The following LNPEP variants were observed in gnomAD, a reference collection of about 807,000 sequenced individuals.
The protein encoded by LNPEP is leucyl and cystinyl aminopeptidase, also known as leucyl-cystinyl aminopeptidase.
A neutral mutation model predicts 120.6 loss-of-function variants in LNPEP; 64 were observed. The observed-to-expected ratio is 0.53, with a 90% CI of 0.43 to 0.65. LNPEP has a LOEUF of 0.65. Ranked by LOEUF, LNPEP falls within the 30% of genes least tolerant of loss-of-function variation. The pLI is 0.00. For synonymous variants in LNPEP, 435 were observed against 425.4 expected (o/e 1.02, Z -0.28); for missense variants, 1,057 against 1,200.0 (o/e 0.88, Z 1.76).
chr5:97,032,980 T>A lies in LNPEP; in HGVS notation c.*4447T>A, dbSNP rs1791500463. On this transcript the variant is annotated 3_prime_UTR_variant, in exon 18 of 18. Transcript: ENST00000231368. ...CTTGTATGGATGCATATATACTTAA[T>A]GAAAATTGAGGTTCAGAGTATGACA... 1 of 152,246 alleles carries A rather than the reference T, an allele frequency of 6.6e-6. No homozygotes were observed. Among genetic ancestry groups the A allele is most frequent in the African/African-American group, 2.4e-5 (1 of 41,464 alleles). The allele number at this position is 152,246 out of a possible 1,614,324, so 9.4% of individuals were successfully genotyped here.
chr5:97,003,351 C>G, intron 8 of LNPEP, 64 bp from the exon 9 acceptor site: 1 of 959,710 alleles, frequency 1.0e-6, no homozygotes, highest in South Asian at 2.0e-5. Flanking sequence ...TTTTAGATTC[C>G]CAATTCGATA....
At chr5:97,009,344 T>A (rs930426479) in intron 11 of LNPEP, among the ~76,000 whole-genome samples, 1 of 123,912 alleles carries the variant, frequency 8.1e-6, no homozygotes, top group Non-Finnish European at 1.7e-5. Context: ...TTCACTCATA[T>A]CTATCCTCAT....
Position 96,979,522 on chromosome 5 carries a change from C to A in LNPEP, c.404C>A (p.Thr135Asn), listed in dbSNP as rs1487559877. 1.2e-6 allele frequency: 2 copies of A among 1,613,996 alleles called. No individual in the cohort carries two copies. The highest frequency in any genetic ancestry group is 1.1e-5 in the South Asian group (1 of 91,076). Reference sequence around the variant, plus strand: ...GTGATTTACTTACTGCCCAGATGTACCTTTACCAAAGAAGGCTGCCATAAA... The same window carrying A: ...GTGATTTACTTACTGCCCAGATGTAACTTTACCAAAGAAGGCTGCCATAAA... Reference protein sequence around the residue: ...IMVIYLLPRCTFTKEGCHKKN... With the variant: ...IMVIYLLPRCNFTKEGCHKKN... The change falls in exon 2 of 18, where the codon ACC becomes AAC. Residue 135 changes from threonine to asparagine, a missense_variant. Physicochemically the swap from Thr to Asn is moderately conservative, Grantham distance 65. Coordinates refer to ENST00000231368, the MANE Select transcript of LNPEP (RefSeq NM_005575.3).
Position 97,028,638 on chromosome 5 carries a change from G to A in LNPEP, c.*105G>A. ...GTAAAGCCAGGATCGCTGCCAAGTTGTTTGCACTCTTTGGAGTTCTAGTTA... is the reference window on the plus strand; with the variant it reads ...GTAAAGCCAGGATCGCTGCCAAGTTATTTGCACTCTTTGGAGTTCTAGTTA... On this transcript the variant is annotated 3_prime_UTR_variant, in exon 18 of 18. Transcript: ENST00000231368. 8.3e-7 allele frequency: 1 copy of A among 1,207,782 alleles called. No individual in the cohort carries two copies. The highest frequency in any genetic ancestry group is 1.2e-6 in the Non-Finnish European group (1 of 844,088). 74.8% of individuals were successfully genotyped at this position (1,207,782 alleles called of 1,614,324 possible). A position where few individuals can be genotyped will look rare whatever the true frequency, so the allele number is the denominator to read the frequency against.
chr5:97,007,699 T>A (rs1183025376), intron 11 of LNPEP, among the ~76,000 whole-genome samples: 10 of 152,228 alleles, frequency 6.6e-5, no homozygotes, highest in Admixed American at 6.5e-4. Flanking sequence ...TCTTGCCTTT[T>A]TTAACTTAAC....
At position 96,979,432 on chromosome 5, in the gene LNPEP, T is replaced by C. The variant is rs748892307; in HGVS notation, c.314T>C (p.Val105Ala). 2.5e-6 allele frequency: 4 copies of C among 1,614,002 alleles called. No individual in the cohort carries two copies. The highest frequency in any genetic ancestry group is 8.5e-7 in the Non-Finnish European group (1 of 1,179,976). ...YRQSPDGACS[V>A]PSARTMVVCA... ...CAGAGCCCAGATGGGGCTTGTTCAGTACCCTCTGCAAGGACCATGGTGGTC... is the reference window on the plus strand; with the variant it reads ...CAGAGCCCAGATGGGGCTTGTTCAGCACCCTCTGCAAGGACCATGGTGGTC... The change falls in exon 2 of 18, where the codon GTA (valine) becomes GCA (alanine). Residue 105 changes from valine (V) to alanine (A), a missense_variant. Transcript: ENST00000231368.
intron 1 of LNPEP, among the ~76,000 whole-genome samples, chr5:96,974,988 A>G (rs2112599909): frequency 6.6e-6 from 1 of 152,246 alleles, no homozygotes; most frequent in African/African-American, 2.4e-5. Context: ...TTTAATGACC[A>G]TATCTGCACA....
Position 97,022,306 on chromosome 5 carries a change from G to T in LNPEP, c.2383G>T (p.Val795Leu). The change falls in exon 14 of 18, where the codon GTA (valine) becomes TTA (leucine). Residue 795 changes from valine to leucine, a missense_variant. Val to Leu is a conservative substitution (Grantham distance 32). Transcript: ENST00000231368. The part of the protein sequence containing the change: ...MDLASRLVTR[V>L]FKLLQNQIQQ... ...ATCTATTTTGTCTCTCTAGACTAGG[G>T]TATTTAAATTACTTCAAAACCAAAT... is the stretch of plus-strand genomic sequence containing the variant. 1.3e-6 allele frequency: 2 copies of T among 1,578,322 alleles called. No individual in the cohort carries two copies. Among genetic ancestry groups the T allele is most frequent in the South Asian group, 1.1e-5 (1 of 89,554 alleles).
intron 1 of LNPEP, among the ~76,000 whole-genome samples, chr5:96,977,060 A>T (rs572534721): frequency 9.2e-5 from 14 of 152,090 alleles, no homozygotes; most frequent in Non-Finnish European, 2.1e-4. Context: ...TACCTAGAAA[A>T]TGATTAGAAG....
Position 97,003,426 on chromosome 5 carries a change from C to A in LNPEP, c.1665C>A (p.Leu555=), listed in dbSNP as rs2112642144. The change falls in exon 9 of 18, where the codon CTC becomes CTA. Residue 555 remains leucine, a synonymous_variant. Coordinates refer to ENST00000231368, the MANE Select transcript of LNPEP (RefSeq NM_005575.3). ...DSLSYFKGSS[L]LLMLKTYLSE... ...TTTTTTTTTAATAGGGATCTTCTCT[C>A]TTGTTGATGTTGAAAACTTACCTTA... 1 of 1,548,984 alleles carries A rather than the reference C, an allele frequency of 6.5e-7. No homozygotes were observed. Among genetic ancestry groups the A allele is most frequent in the Non-Finnish European group, 8.8e-7 (1 of 1,136,780 alleles).
rs1788855338 is a variant in LNPEP at position 96,936,127 on chromosome 5, C to T, written c.-29C>T. ...CTCGGAGTAGGAAGCTCGGGCGCTC[C>T]GGCTGTAAGGAGCCGCGGCGGGGGG... On this transcript the variant is annotated 5_prime_UTR_variant, in exon 1 of 18. Coordinates refer to ENST00000231368, the MANE Select transcript of LNPEP (RefSeq NM_005575.3). 4 of 1,514,976 alleles carry T rather than the reference C, an allele frequency of 2.6e-6. No individual in the cohort carries two copies. Among genetic ancestry groups the T allele is most frequent in the South Asian group, 1.2e-5 (1 of 82,536 alleles). 93.8% of individuals were successfully genotyped at this position (1,514,976 alleles called of 1,614,324 possible).
intron 1 of LNPEP, among the ~76,000 whole-genome samples, chr5:96,967,403 C>T (rs1789756315): frequency 1.3e-5 from 2 of 151,980 alleles, no homozygotes; most frequent in African/African-American, 4.8e-5. Flanking sequence ...CCTCAGCCTC[C>T]CAAAGTGCTG....
In LNPEP at chr5:96,936,152, G is replaced by T. The variant is rs1209976700; in HGVS notation, c.-4G>T. 1 of 1,502,944 alleles carries T rather than the reference G, an allele frequency of 6.7e-7. No individual in the cohort carries two copies. The highest frequency in any genetic ancestry group is 2.2e-5 in the Admixed American group (1 of 45,762). The allele number at this position is 1,502,944 out of a possible 1,614,324, so 93.1% of individuals were successfully genotyped here. A position where few individuals can be genotyped will look rare whatever the true frequency, so the allele number is the denominator to read the frequency against. On this transcript the variant is annotated 5_prime_UTR_variant, in exon 1 of 18. Transcript: ENST00000231368. ...CGGCTGTAAGGAGCCGCGGCGGGGG[G>T]AAAATGGAGCCCTTCACCAATGGTG...
intron 1 of LNPEP, among the ~76,000 whole-genome samples, chr5:96,945,947 T>C (rs1207202313): frequency 6.6e-6 from 1 of 152,178 alleles, no homozygotes; most frequent in Non-Finnish European, 1.5e-5. Context: ...TAAGTTGGTA[T>C]TGGTAAAGTG....
At chr5:97,027,988 A>G (rs930418528) in intron 17 of LNPEP, among the ~76,000 whole-genome samples, 174 bp downstream of exon 17, 1 of 152,158 alleles carries the variant, frequency 6.6e-6, no homozygotes, top group African/African-American at 2.4e-5. Flanking sequence ...GGTGGCATAT[A>G]TGATAATGAG....
intron 1 of LNPEP, among the ~76,000 whole-genome samples, chr5:96,942,126 T>TA (rs1264945220): frequency 6.6e-6 from 1 of 152,180 alleles, no homozygotes; most frequent in Non-Finnish European, 1.5e-5. Flanking sequence ...AATTTAAGCA[T>TA]ACTGTCTTTT....
Position 97,037,344 on chromosome 5 carries a change from ATAT to A in LNPEP, c.*8813_*8815del, listed in dbSNP as rs1791587434. 6.6e-6 allele frequency: 1 copy of A among 152,196 alleles called. No homozygotes were observed. The highest frequency in any genetic ancestry group is 1.5e-5 in the Non-Finnish European group (1 of 68,032). The allele number at this position is 152,196 out of a possible 1,614,324, so 9.4% of individuals were successfully genotyped here. A position where few individuals can be genotyped will look rare whatever the true frequency, so the allele number is the denominator to read the frequency against. ...AACATTTTGAAAATATGTATATATA[ATAT>A]TGTATATGCAAATTGTGTTGTTTCA... is the stretch of plus-strand genomic sequence containing the variant. On this transcript the variant is annotated 3_prime_UTR_variant, in exon 18 of 18. Coordinates refer to ENST00000231368, the MANE Select transcript of LNPEP (RefSeq NM_005575.3).
rs1193939596 is a variant in LNPEP, at chr5:97,010,416, C to A, written c.2036-3232C>A. ...ATTAAAATATTTATCATGTGCCATT[C>A]TCTGCTCTTGCCTTTTTTTCCCCTA... On this transcript the variant is annotated intron_variant, in intron 11 of 17. Transcript: ENST00000231368. 6 of 984,636 alleles carry A rather than the reference C, an allele frequency of 6.1e-6. No individual in the cohort carries two copies. The Admixed American group carries it at 2.5e-4, about 40-fold the overall frequency. The allele number at this position is 984,636 out of a possible 1,614,324, so 61.0% of individuals were successfully genotyped here.
In LNPEP at chr5:96,982,647, A is replaced by C. The variant is rs188068346; in HGVS notation, c.861-2433A>C. 1.7e-3 allele frequency among the ~76,000 whole-genome samples: 259 copies of C among 152,232 alleles called. 1 individual carries two copies. The highest frequency in any genetic ancestry group is 6.0e-3 in the African/African-American group (249 of 41,554). On this transcript the variant is annotated intron_variant, in intron 2 of 17. Coordinates refer to ENST00000231368, the MANE Select transcript of LNPEP (RefSeq NM_005575.3). ...CAAAATCTTCTGTTAACTACATAAG[A>C]ATGTTGGGGGTGGGTTGAAGAAATG...
Sources: allele counts gnomAD v4.1 joint callset (sites outside exome capture counted in the v4.1 genomes callset), GRCh38; gene constraint gnomAD v4.1.1; transcripts MANE v1.5; gene names NCBI Gene and HGNC (gene_info 2026-07-23, HGNC 2026-07-21).